TULP3: variants seen among roughly 807,000 people sequenced by gnomAD.
TULP3 encodes tubby-related protein 3.
TULP3 carries 38 observed loss-of-function variants against 50.7 expected under a neutral mutation model. The ratio of observed to expected loss-of-function variants is 0.75; its 90% CI spans 0.58 to 0.98. The LOEUF is 0.98. Ranked by LOEUF, TULP3 falls within the 50% of genes least tolerant of loss-of-function variation. The pLI, the probability that TULP3 is intolerant of heterozygous loss-of-function variation, is 0.00. For missense variants in TULP3, 550 were observed against 568.0 expected, an observed-to-expected ratio of 0.97 and a Z score of 0.32; for synonymous variants, 183 against 196.6, an observed-to-expected ratio of 0.93 and a Z score of 0.58.
intron 2 of TULP3, among the ~76,000 whole-genome samples, chr12:2,917,356 C>T (rs1392269677): frequency 6.6e-6 from 1 of 151,952 alleles, no homozygotes. Context: ...CCTGTAATCC[C>T]CGCTACTCGG....
At chr12:2,897,021 AT>A (rs1230986181) in intron 1 of TULP3, among the ~76,000 whole-genome samples, 1 of 150,946 alleles carries the variant, frequency 6.6e-6, no homozygotes, top group Non-Finnish European at 1.5e-5. Context: ...GGACTTTTAA[AT>A]TTTTTTTTTG....
At chr12:2,895,677 C>A (rs56346572) in intron 1 of TULP3, among the ~76,000 whole-genome samples, 71,852 of 151,348 alleles carry the variant, frequency 0.47, 17,411 homozygotes, top group African/African-American at 0.59. Flanking sequence ...AAATCTGATG[C>A]CTCTTTCACT....
chr12:2,926,494 TAA>T (rs1464982845), intron 4 of TULP3, among the ~76,000 whole-genome samples: 2 of 152,186 alleles, frequency 1.3e-5, no homozygotes, highest in African/African-American at 4.8e-5. Context: ...CAAAAAATAA[TAA>T]GTTAGTATTT....
chr12:2,903,050 T>A (rs1022618377), intron 1 of TULP3, among the ~76,000 whole-genome samples: 2 of 151,486 alleles, frequency 1.3e-5, no homozygotes, highest in Non-Finnish European at 1.5e-5. Context: ...TTAGTAGAGA[T>A]GGGGTTTCAC....
At chr12:2,899,716 AC>A (rs1190827916) in intron 1 of TULP3, among the ~76,000 whole-genome samples, 1 of 151,870 alleles carries the variant, frequency 6.6e-6, no homozygotes, top group Admixed American at 6.6e-5. Flanking sequence ...ACACAGTGAA[AC>A]CCTGTCTCTA....
chr12:2,940,056 C>T lies in TULP3; in HGVS notation c.*612C>T. The T allele has an allele frequency of 1.6e-6, 2 of 1,289,190 alleles. No homozygotes were observed. The highest frequency in any genetic ancestry group is 2.0e-6 in the Non-Finnish European group (2 of 988,722). The allele number at this position is 1,289,190 out of a possible 1,614,324, so 79.9% of individuals were successfully genotyped here. A position where few individuals can be genotyped will look rare whatever the true frequency, so the allele number is the denominator to read the frequency against. ...CGGCACCAATCTTAGTCAAGAGTGG[C>T]TGTGATCACATTTGTGATCAATTAT... On this transcript the variant is annotated 3_prime_UTR_variant, in exon 11 of 11. Transcript: ENST00000448120.
chr12:2,938,354 C>T (rs1003032318), intron 10 of TULP3, 69 bp downstream of exon 10: 53 of 1,507,908 alleles, frequency 3.5e-5, no homozygotes, highest in Admixed American at 7.7e-5. Context: ...AATGCACATT[C>T]CCTGTACATG....
At chr12:2,891,075 G>A (rs556847898) in intron 1 of TULP3, 87 bp downstream of exon 1, 152 of 1,395,604 alleles carry the variant, frequency 1.1e-4, no homozygotes, top group Middle Eastern at 1.9e-4. Flanking sequence ...AGCCCTGCGG[G>A]GAGAGGGCGG....
rs2098192374 is a variant in TULP3 at position 2,922,515 on chromosome 12, G to C, written c.394+113G>C. The C allele has an allele frequency of 1.7e-5, 23 of 1,338,498 alleles. No homozygotes were observed. The South Asian group carries it at 3.2e-4, about 18-fold the overall frequency. 82.9% of individuals were successfully genotyped at this position (1,338,498 alleles called of 1,614,324 possible). ...ATGACTGAAAATGACTCATGGCTTA[G>C]GGCCTCACAGAGGTGACAGTGTTTA... On this transcript the variant is annotated intron_variant, in intron 4 of 10. Transcript: ENST00000448120.
At chr12:2,933,361 A>C in intron 6 of TULP3, 57 bp from the exon 7 acceptor site, 1 of 1,048,042 alleles carries the variant, frequency 9.5e-7, no homozygotes, top group Non-Finnish European at 1.5e-6. Flanking sequence ...AACCATGACC[A>C]GAGGTGGGGC....
At chr12:2,935,501 AGTT>A (rs2098200549) in intron 8 of TULP3, among the ~76,000 whole-genome samples, 1 of 152,216 alleles carries the variant, frequency 6.6e-6, no homozygotes, top group South Asian at 2.1e-4. Context: ...ATATTCAAAG[AGTT>A]GTTGAGTAAG....
intron 1 of TULP3, among the ~76,000 whole-genome samples, chr12:2,897,807 G>A (rs1481415877): frequency 4.0e-5 from 6 of 150,642 alleles, no homozygotes; most frequent in African/African-American, 7.4e-5. Context: ...GGCCCAGTGC[G>A]GTGGCTCATG....
chr12:2,933,155 A>C (rs1180710667), intron 6 of TULP3, among the ~76,000 whole-genome samples: 3 of 152,024 alleles, frequency 2.0e-5, no homozygotes, highest in East Asian at 1.9e-4. Context: ...GTTAGCCAGG[A>C]TGGTCTCGAT....
chr12:2,925,504 A>C, intron 4 of TULP3, among the ~76,000 whole-genome samples: 1 of 152,318 alleles, frequency 6.6e-6, no homozygotes, highest in East Asian at 1.9e-4. Flanking sequence ...CTAGGGGAGC[A>C]GGGAAGTAGC....
At chr12:2,937,231 T>TTTTC (rs1555115468) in intron 8 of TULP3, among the ~76,000 whole-genome samples, 2 of 130,366 alleles carry the variant, frequency 1.5e-5, no homozygotes, top group African/African-American at 6.4e-5. Flanking sequence ...TTTTTTTTTT[T>TTTTC]CTGAGGCAGA....
At chr12:2,901,312 C>CTTTT (rs371069831) in intron 1 of TULP3, among the ~76,000 whole-genome samples, 3 of 104,110 alleles carry the variant, frequency 2.9e-5, no homozygotes, top group South Asian at 3.4e-4. Context: ...TTCTTTCTTT[C>CTTTT]TTTTTTTTTT....
intron 1 of TULP3, among the ~76,000 whole-genome samples, chr12:2,905,900 G>A (rs1476504483): frequency 2.0e-5 from 3 of 151,764 alleles, no homozygotes; most frequent in African/African-American, 7.3e-5. Context: ...GTTTAGTGTT[G>A]AGAACAGAGT....
At chr12:2,925,953 T>C (rs2098194446) in intron 4 of TULP3, among the ~76,000 whole-genome samples, 1 of 152,184 alleles carries the variant, frequency 6.6e-6, no homozygotes, top group Non-Finnish European at 1.5e-5. Context: ...TCTCAACAGG[T>C]TGCATCTTGA....
intron 2 of TULP3, among the ~76,000 whole-genome samples, chr12:2,914,463 T>C (rs2098187479): frequency 1.3e-5 from 2 of 152,232 alleles, no homozygotes; most frequent in Non-Finnish European, 2.9e-5. Flanking sequence ...CTTGTGCTAT[T>C]GAACACTAGA....
Sources: gnomAD v4.1 joint callset for allele counts (sites outside exome capture counted in the v4.1 genomes callset) on GRCh38, gnomAD v4.1.1 for gene constraint, MANE v1.5 for transcripts, NCBI Gene and HGNC (gene_info 2026-07-23, HGNC 2026-07-21) for gene names.